The following BCAS3 variants were observed in gnomAD, a reference collection of about 807,000 sequenced individuals.
The protein encoded by BCAS3 is BCAS4/BCAS3 fusion.
BCAS3 carries 53 observed loss-of-function variants against 116.1 expected under a neutral mutation model. The observed-to-expected ratio is 0.46, with a 90% CI of 0.37 to 0.57. The LOEUF (loss-of-function observed/expected upper bound fraction) is 0.57, where lower values mean the gene tolerates loss of function less well. Among genes scored for constraint, BCAS3 ranks in the 20% least tolerant of loss-of-function variants. The probability of loss-of-function intolerance (pLI) is 0.00; values close to 1 mark genes in which losing one functional copy is unlikely to be tolerated. For synonymous variants in BCAS3, 391 were observed against 408.2 expected (o/e 0.96, Z 0.51); for missense variants, 917 against 1,165.4 (o/e 0.79, Z 3.10).
chr17:61,329,721 A>T (rs962334619), intron 22 of BCAS3, among the ~76,000 whole-genome samples: 1 of 152,170 alleles, frequency 6.6e-6, no homozygotes, highest in Non-Finnish European at 1.5e-5. Flanking sequence ...ATGGTGACTG[A>T]CTATGGAATA....
rs138663451 is a variant in BCAS3, at chr17:60,683,505, C to CTTTTTTTTTTTTTTT, written c.84-452_84-438dup. On this transcript the variant is annotated intron_variant, in intron 2 of 23. Transcript: ENST00000407086. ...GAAATATCAGGTGATAAGAGTTAGC[C>CTTTTTTTTTTTTTTT]TTTTTTTTTTTTTTTTTTTTTTTTT... 1.1e-4 allele frequency among the ~76,000 whole-genome samples: 5 copies of CTTTTTTTTTTTTTTT among 44,490 alleles called. 1 individual carries two copies. The highest frequency in any genetic ancestry group is 2.2e-4 in the Non-Finnish European group (5 of 22,956). The allele number at this position is 44,490 out of a possible 152,430, so 29.2% of individuals were successfully genotyped here. A position where few individuals can be genotyped will look rare whatever the true frequency, so the allele number is the denominator to read the frequency against.
chr17:61,084,063 T>C lies in BCAS3; in HGVS notation c.2328-404T>C, dbSNP rs771440756. On this transcript the variant is annotated intron_variant, in intron 21 of 23. Coordinates refer to ENST00000407086, the MANE Select transcript of BCAS3 (RefSeq NM_017679.5). The surrounding 1 kb of genome is among the most constrained non-coding windows in gnomAD (Gnocchi z 5.5). Reference sequence around the variant, plus strand: ...TGCTGCCTTTTATGGAACACATTAATAGCTATGGTGATATTAGTGAATTTC... The same window carrying C: ...TGCTGCCTTTTATGGAACACATTAACAGCTATGGTGATATTAGTGAATTTC... 1.3e-5 allele frequency among the ~76,000 whole-genome samples: 2 copies of C among 152,222 alleles called. No homozygotes were observed. Among genetic ancestry groups the C allele is most frequent in the African/African-American group, 2.4e-5 (1 of 41,458 alleles).
chr17:61,027,272 G>T, intron 16 of BCAS3: 1 of 436,344 alleles, frequency 2.3e-6, no homozygotes, highest in Non-Finnish European at 4.3e-6. Context: ...TAGCATTTGA[G>T]GACATGATTT....
In BCAS3 at chr17:61,344,249, A is replaced by C. The variant is rs1253548052; in HGVS notation, c.2426-24078A>C. Among the ~76,000 whole-genome samples, 1 of 152,132 alleles carries C rather than the reference A, an allele frequency of 6.6e-6. No individual in the cohort carries two copies. The highest frequency in any genetic ancestry group is 1.5e-5 in the Non-Finnish European group (1 of 68,018). On this transcript the variant is annotated intron_variant, in intron 22 of 23. Transcript: ENST00000407086. The surrounding 1 kb of genome is among the most constrained non-coding windows in gnomAD (Gnocchi z 4.1). Reference sequence around the variant, plus strand: ...CCAAAATCATCCTTTGACATTAAAAAAAAAAAATCCCCTTGCTTTTAAAGA... The same window carrying C: ...CCAAAATCATCCTTTGACATTAAAACAAAAAAATCCCCTTGCTTTTAAAGA...
chr17:61,273,710 A>G (rs1209157623), intron 22 of BCAS3, among the ~76,000 whole-genome samples: 1 of 146,848 alleles, frequency 6.8e-6, no homozygotes, highest in Non-Finnish European at 1.5e-5. Context: ...ATATTGTCGC[A>G]TGGGTCACTG....
chr17:61,012,597 G>A lies in BCAS3; in HGVS notation c.1487-3154G>A, dbSNP rs964019574. Among the ~76,000 whole-genome samples, 1 of 151,958 alleles carries A rather than the reference G, an allele frequency of 6.6e-6. No individual in the cohort carries two copies. Among genetic ancestry groups the A allele is most frequent in the African/African-American group, 2.4e-5 (1 of 41,392 alleles). ...GCCATATCCATTAATATGTAAGACA[G>A]ACACCACCCCTACGAACATAAACAT... On this transcript the variant is annotated intron_variant, in intron 15 of 23. Coordinates refer to ENST00000407086, the MANE Select transcript of BCAS3 (RefSeq NM_017679.5). The surrounding 1 kb of genome is among the most constrained non-coding windows in gnomAD (Gnocchi z 4.5).
intron 14 of BCAS3, among the ~76,000 whole-genome samples, chr17:60,972,047 C>T (rs2061994345): frequency 1.3e-5 from 2 of 152,166 alleles, no homozygotes; most frequent in South Asian, 4.1e-4. Flanking sequence ...TGGAATCCTA[C>T]GTTGTTTCTG....
Position 61,040,852 on chromosome 17 carries a change from T to A in BCAS3, c.1989T>A (p.Ala663=). The change falls in exon 19 of 24, where the codon GCT becomes GCA. Residue 663 remains alanine, a synonymous_variant. Transcript: ENST00000407086. ...ATGCAAACCACCCTCTGCTCCTCGC[T>A]GCAGATGCAGTACAGTATTATCAGT... is the stretch of plus-strand genomic sequence containing the variant. The part of the protein sequence containing the change: ...PFNANHPLLL[A]ADAVQYYQFL... 6.2e-7 allele frequency: 1 copy of A among 1,614,164 alleles called. No homozygotes were observed. The highest frequency in any genetic ancestry group is 8.5e-7 in the Non-Finnish European group (1 of 1,180,012).
chr17:60,892,781 G>A (rs948222613), intron 10 of BCAS3, among the ~76,000 whole-genome samples: 4 of 152,008 alleles, frequency 2.6e-5, no homozygotes, highest in African/African-American at 4.8e-5. Flanking sequence ...AATTAGCTGG[G>A]TGTGGTGGTG....
rs1307246500 is a variant in BCAS3, at chr17:61,037,331, A to G, written c.1763-558A>G. 9.9e-5 allele frequency among the ~76,000 whole-genome samples: 15 copies of G among 152,216 alleles called. No individual in the cohort carries two copies. The highest frequency in any genetic ancestry group is 7.4e-5 in the Non-Finnish European group (5 of 68,026). On this transcript the variant is annotated intron_variant, in intron 17 of 23. Coordinates refer to ENST00000407086, the MANE Select transcript of BCAS3 (RefSeq NM_017679.5). The surrounding 1 kb of genome is among the most constrained non-coding windows in gnomAD (Gnocchi z 4.7). ...AGTACAAAAGTCTATGAAGGATTTT[A>G]CTATATTAGGATTTGGGGCATAGTA...
intron 22 of BCAS3, among the ~76,000 whole-genome samples, chr17:61,190,938 G>C (rs2080074816): frequency 6.6e-6 from 1 of 152,122 alleles, no homozygotes; most frequent in African/African-American, 2.4e-5. Flanking sequence ...GGGTGTGATG[G>C]CATATGCCTG....
rs879500255 is a variant in BCAS3 at position 61,140,584 on chromosome 17, CT to C, written c.2425+56033del. Among the ~76,000 whole-genome samples, 35 of 146,346 alleles carry C rather than the reference CT, an allele frequency of 2.4e-4. No homozygotes were observed. Among genetic ancestry groups the C allele is most frequent in the Middle Eastern group, 3.6e-3 (1 of 276 alleles). On this transcript the variant is annotated intron_variant, in intron 22 of 23. Transcript: ENST00000407086. The surrounding 1 kb of genome is among the most constrained non-coding windows in gnomAD (Gnocchi z 4.2). ...CACATAAAAGTTGCTTATCTCTCCA[CT>C]TTTTTTTTTTTTCTGGAGAAACAGC...
chr17:60,951,536 G>A (rs952255377), intron 14 of BCAS3, among the ~76,000 whole-genome samples: 4 of 152,090 alleles, frequency 2.6e-5, no homozygotes, highest in Admixed American at 6.5e-5. Flanking sequence ...CATGTTTATT[G>A]TAGATGAAAT....
chr17:61,057,582 C>A (rs2143263589), intron 19 of BCAS3, among the ~76,000 whole-genome samples: 1 of 152,168 alleles, frequency 6.6e-6, no homozygotes, highest in Admixed American at 6.5e-5. Flanking sequence ...CGTAACTTGT[C>A]CAGAAACTCA....
chr17:60,779,978 C>G (rs1477167164), intron 6 of BCAS3, among the ~76,000 whole-genome samples: 1 of 151,728 alleles, frequency 6.6e-6, no homozygotes, highest in Non-Finnish European at 1.5e-5. Context: ...ATCTAAAAAA[C>G]TTTACTATTT....
At position 61,084,245 on chromosome 17, in the gene BCAS3, A is replaced by G. The variant is rs957135650; in HGVS notation, c.2328-222A>G. Among the ~76,000 whole-genome samples the G allele has an allele frequency of 6.6e-6, 1 of 152,154 alleles. No homozygotes were observed. The highest frequency in any genetic ancestry group is 1.5e-5 in the Non-Finnish European group (1 of 68,016). On this transcript the variant is annotated intron_variant, in intron 21 of 23. Coordinates refer to ENST00000407086, the MANE Select transcript of BCAS3 (RefSeq NM_017679.5). This position sits in a 1 kb window ranked among gnomAD's most constrained non-coding sequence, Gnocchi z 5.5. ...CTTCCTTAAAAATCTATGGAATAAC[A>G]CACAAAGATAAGTTAGAAGGGGTCC...
At chr17:61,190,917 AT>A (rs1372695382) in intron 22 of BCAS3, among the ~76,000 whole-genome samples, 1 of 151,476 alleles carries the variant, frequency 6.6e-6, no homozygotes, top group Non-Finnish European at 1.5e-5. Flanking sequence ...AAAAAACTTT[AT>A]TAAGTAGCTG....
At chr17:60,745,083 A>G (rs149918515) in intron 5 of BCAS3, among the ~76,000 whole-genome samples, 1 of 152,170 alleles carries the variant, frequency 6.6e-6, no homozygotes, top group Non-Finnish European at 1.5e-5. Flanking sequence ...CTTCTTTAAC[A>G]TAAAGGTTTT....
intron 23 of BCAS3, among the ~76,000 whole-genome samples, chr17:61,370,670 AGCCACCAT>A (rs1308836402): frequency 6.6e-6 from 1 of 152,242 alleles, no homozygotes; most frequent in Non-Finnish European, 1.5e-5. Flanking sequence ...TACAGGCGTG[AGCCACCAT>A]GCCCAGCCTA....
Sources: allele counts gnomAD v4.1 joint callset (sites outside exome capture counted in the v4.1 genomes callset), GRCh38; gene constraint gnomAD v4.1.1; non-coding constraint Gnocchi (gnomAD v3.1); transcripts MANE v1.5; gene names NCBI Gene and HGNC (gene_info 2026-07-23, HGNC 2026-07-21).